The following PLEKHA5 variants were observed in gnomAD, a reference collection of about 807,000 sequenced individuals.
The protein encoded by PLEKHA5 is pleckstrin homology domain-containing family A member 5.
Under a neutral mutation model 181.9 loss-of-function variants are expected in PLEKHA5, and 55 were observed. That is an observed-to-expected ratio of 0.30 (90% CI 0.24 to 0.38). The LOEUF (loss-of-function observed/expected upper bound fraction) is 0.38. Among genes scored for constraint, PLEKHA5 ranks in the 10% least tolerant of loss-of-function variants. The probability of loss-of-function intolerance (pLI) is 1.00; values close to 1 mark genes in which losing one functional copy is unlikely to be tolerated. For synonymous variants in PLEKHA5, 535 were observed against 529.4 expected (o/e 1.01, Z -0.15); for missense variants, 1,432 against 1,549.5 (o/e 0.92, Z 1.27).
intron 3 of PLEKHA5, among the ~76,000 whole-genome samples, chr12:19,239,049 G>T (rs141867906): frequency 7.2e-5 from 11 of 152,156 alleles, no homozygotes; most frequent in African/African-American, 2.4e-4. Flanking sequence ...ATTTCTTAAG[G>T]CCCTTATAGT....
At chr12:19,324,414 G>T (rs2091622047) in intron 20 of PLEKHA5, among the ~76,000 whole-genome samples, 1 of 152,188 alleles carries the variant, frequency 6.6e-6, no homozygotes, top group African/African-American at 2.4e-5. Context: ...TCCATTGTGA[G>T]TATCTTGAAA....
intron 15 of PLEKHA5, chr12:19,306,891 C>A: frequency 1.2e-6 from 1 of 809,276 alleles, no homozygotes; most frequent in Non-Finnish European, 2.1e-6. Flanking sequence ...AAGGCTAAGG[C>A]TTGTCTCTGT....
At chr12:19,145,629 G>A (rs7307962) in intron 3 of PLEKHA5, among the ~76,000 whole-genome samples, 116,477 of 151,954 alleles carry the variant, frequency 0.77, 46,512 homozygotes, top group Non-Finnish European at 0.91. Flanking sequence ...AACATGTCTT[G>A]ATGGTTTTGT....
intron 3 of PLEKHA5, among the ~76,000 whole-genome samples, chr12:19,232,943 A>C (rs146325938): frequency 3.9e-5 from 6 of 152,196 alleles, no homozygotes; most frequent in African/African-American, 1.4e-4. Context: ...ACTCTACTTC[A>C]GTTTATATAG....
chr12:19,305,890 A>AAC (rs2083302102), intron 15 of PLEKHA5, among the ~76,000 whole-genome samples: 1 of 140,676 alleles, frequency 7.1e-6, no homozygotes, highest in Non-Finnish European at 1.6e-5. Flanking sequence ...AAAAACAACT[A>AAC]TGAAGACTGG....
At chr12:19,299,528 G>C (rs1178562573) in intron 15 of PLEKHA5, among the ~76,000 whole-genome samples, 1 of 152,170 alleles carries the variant, frequency 6.6e-6, no homozygotes, top group African/African-American at 2.4e-5. Flanking sequence ...CTCACATCTA[G>C]ATTTCGTCAC....
intron 3 of PLEKHA5, among the ~76,000 whole-genome samples, chr12:19,171,581 A>G (rs1023757686): frequency 6.6e-6 from 1 of 152,076 alleles, no homozygotes; most frequent in Non-Finnish European, 1.5e-5. Context: ...CTGGTCTTGA[A>G]CTACTGACCT....
At chr12:19,281,886 A>G (rs921812019) in intron 11 of PLEKHA5, among the ~76,000 whole-genome samples, 1 of 151,910 alleles carries the variant, frequency 6.6e-6, no homozygotes, top group Admixed American at 6.6e-5. Flanking sequence ...GGGTCACGCC[A>G]TTCTCCTGCC....
chr12:19,142,596 A>ATGTT (rs1565861280), intron 3 of PLEKHA5, among the ~76,000 whole-genome samples: 2 of 152,186 alleles, frequency 1.3e-5, no homozygotes, highest in Admixed American at 1.3e-4. Flanking sequence ...GTCTGATAAC[A>ATGTT]ATAGCTTTTT....
intron 11 of PLEKHA5, among the ~76,000 whole-genome samples, chr12:19,277,126 G>A (rs1034202952): frequency 4.6e-5 from 7 of 151,808 alleles, no homozygotes; most frequent in Non-Finnish European, 8.8e-5. Context: ...AATGTGATTA[G>A]ACAGAAAAGA....
intron 3 of PLEKHA5, among the ~76,000 whole-genome samples, chr12:19,250,242 A>T (rs1459237593): frequency 1.3e-5 from 2 of 152,190 alleles, no homozygotes; most frequent in African/African-American, 4.8e-5. Flanking sequence ...GACTACAGAG[A>T]CAAGGTGGGA....
intron 15 of PLEKHA5, among the ~76,000 whole-genome samples, chr12:19,302,760 T>A (rs758390526): frequency 2.2e-4 from 34 of 152,042 alleles, no homozygotes; most frequent in East Asian, 5.8e-4. Flanking sequence ...TGTGGCTATT[T>A]AAATTTGTAG....
chr12:19,317,574 TC>T (rs1336631363), intron 16 of PLEKHA5, among the ~76,000 whole-genome samples: 2 of 152,068 alleles, frequency 1.3e-5, no homozygotes, highest in East Asian at 3.9e-4. Flanking sequence ...TTAAAATATT[TC>T]CCCAAAACTC....
intron 3 of PLEKHA5, among the ~76,000 whole-genome samples, chr12:19,243,766 A>G (rs984827425): frequency 6.6e-6 from 1 of 152,066 alleles, no homozygotes; most frequent in African/African-American, 2.4e-5. Flanking sequence ...TTCATGTTTT[A>G]CCCCTCAAAA....
At position 19,167,405 on chromosome 12, in the gene PLEKHA5, A is replaced by ATTTTTTTT. The variant is rs56086557; in HGVS notation, c.227+34977_227+34984dup. Reference sequence around the variant, plus strand: ...CACTCTGCAAGTCTTCTGAGGCTTAATTTTTTTTTTTTTTTTTTTTTTTTT... The same window carrying ATTTTTTTT: ...CACTCTGCAAGTCTTCTGAGGCTTAATTTTTTTTTTTTTTTTTTTTTTTTTTTTTTTTT... On this transcript the variant is annotated intron_variant, in intron 3 of 31. Coordinates refer to ENST00000429027, the MANE Select transcript of PLEKHA5 (RefSeq NM_001256470.2). 5.3e-4 allele frequency among the ~76,000 whole-genome samples: 48 copies of ATTTTTTTT among 91,226 alleles called. 3 individuals are homozygous for ATTTTTTTT. Among genetic ancestry groups the ATTTTTTTT allele is most frequent in the East Asian group, 1.5e-3 (4 of 2,700 alleles). The allele number at this position is 91,226 out of a possible 152,430, so 59.8% of individuals were successfully genotyped here.
At chr12:19,175,061 A>G (rs772171297) in intron 3 of PLEKHA5, among the ~76,000 whole-genome samples, 4 of 152,212 alleles carry the variant, frequency 2.6e-5, no homozygotes, top group Non-Finnish European at 5.9e-5. Flanking sequence ...AGAAACATAA[A>G]TGGCCAATTT....
chr12:19,352,147 G>T (rs1268856910), intron 25 of PLEKHA5, among the ~76,000 whole-genome samples: 1 of 150,802 alleles, frequency 6.6e-6, no homozygotes, highest in Non-Finnish European at 1.5e-5. Flanking sequence ...ACTTTGGGAA[G>T]CTGAGGCAGG....
rs1482025703 is a variant in PLEKHA5, at chr12:19,305,459, G to A, written c.2038-9355G>A. ...GCCTGTAATCCCAGCTACTCAGGAG[G>A]CTGAGGCAGGAGAATCACTTGAACC... On this transcript the variant is annotated intron_variant, in intron 15 of 31. Transcript: ENST00000429027. Among the ~76,000 whole-genome samples the A allele has an allele frequency of 9.2e-5, 14 of 151,848 alleles. 1 individual carries two copies. The highest frequency in any genetic ancestry group is 2.4e-4 in the African/African-American group (10 of 41,316).
chr12:19,276,232 G>C (rs2074468109), intron 11 of PLEKHA5, among the ~76,000 whole-genome samples: 1 of 152,196 alleles, frequency 6.6e-6, no homozygotes, highest in African/African-American at 2.4e-5. Context: ...AGCTAGGAGA[G>C]AGAGATTCAG....
Sources: allele counts gnomAD v4.1 joint callset (sites outside exome capture counted in the v4.1 genomes callset), GRCh38; gene constraint gnomAD v4.1.1; transcripts MANE v1.5; gene names NCBI Gene and HGNC (gene_info 2026-07-23, HGNC 2026-07-21).